WIZ: variants seen among roughly 807,000 people sequenced by gnomAD.
The protein encoded by WIZ is WIZ zinc finger.
Under a neutral mutation model 140.2 loss-of-function variants are expected in WIZ, and 25 were observed. The observed-to-expected ratio is 0.18, with a 90% CI of 0.13 to 0.25. The LOEUF (loss-of-function observed/expected upper bound fraction) is 0.25. Among genes scored for constraint, WIZ ranks in the 10% least tolerant of loss-of-function variants. The pLI is 1.00. For synonymous variants in WIZ, 1,125 were observed against 1,154.3 expected (o/e 0.97, Z 0.51); for missense variants, 2,231 against 2,632.6 (o/e 0.85, Z 3.34).
At chr19:15,431,836 G>A (rs372139406) in intron 5 of WIZ, among the ~76,000 whole-genome samples, 14 of 152,234 alleles carry the variant, frequency 9.2e-5, no homozygotes, top group African/African-American at 3.4e-4. Flanking sequence ...CAGGCCCGCA[G>A]CATCCCTGGG....
intron 5 of WIZ, chr19:15,433,021 A>T: frequency 6.5e-6 from 1 of 154,462 alleles, no homozygotes; most frequent in East Asian, 1.9e-4. Context: ...TAGGATGGGA[A>T]TCTTCCGGCC....
chr19:15,425,692 C>A lies in WIZ; in HGVS notation c.4443G>T (p.Ser1481=). The change falls in exon 10 of 13, where the codon TCG becomes TCT. Residue 1481 remains serine, a synonymous_variant. Transcript: ENST00000673675. ...GEFFENRKGL[S]SHARSHLRQM... ...GCCGCAGGTGTGAGCGCGCGTGACTCGACAGGCCCTTGCGGTTCTCGAAGA... is the reference window on the plus strand; with the variant it reads ...GCCGCAGGTGTGAGCGCGCGTGACTAGACAGGCCCTTGCGGTTCTCGAAGA... The A allele has an allele frequency of 6.2e-7, 1 of 1,612,966 alleles. No homozygotes were observed. Among genetic ancestry groups the A allele is most frequent in the Non-Finnish European group, 8.5e-7 (1 of 1,179,834 alleles).
Position 15,425,439 on chromosome 19 carries a change from C to A in WIZ, c.4696G>T (p.Ala1566Ser). ...AGGCTGAGCTCACGAGGAACCTGGG[C>A]CGGCCCTGCACCTGGTTTGCCTGGC... is the stretch of plus-strand genomic sequence containing the variant. ...GRPGKPGAGP[A>S]QVPRELSLTP... The change falls in exon 10 of 13, where the codon GCC becomes TCC. Residue 1566 changes from alanine to serine, a missense_variant. Around this residue, in one of 15 missense-constraint regions of WIZ, gnomAD observed 393 missense variants for 451.7 expected, o/e 0.87. Coordinates refer to ENST00000673675, the MANE Select transcript of WIZ (RefSeq NM_001371589.1). The A allele has an allele frequency of 5.1e-6, 8 of 1,570,074 alleles. No homozygotes were observed. The highest frequency in any genetic ancestry group is 6.9e-6 in the Non-Finnish European group (8 of 1,157,576).
chr19:15,439,434 A>C lies in WIZ; in HGVS notation c.1560T>G (p.Thr520=). The change falls in exon 4 of 13, where the codon ACT becomes ACG. Residue 520 remains threonine (T), a synonymous_variant. Transcript: ENST00000673675. This position sits in a 1 kb window ranked among gnomAD's most constrained non-coding sequence, Gnocchi z 7.0. ...CAGCTTTGCCAAAGTAGTCCACAGC[A>C]GTGTCAGGGAAGCAGGCGTGAGCAT... is the stretch of plus-strand genomic sequence containing the variant. ...SQDAHACFPD[T]AVDYFGKAEP... The C allele has an allele frequency of 6.5e-7, 1 of 1,531,228 alleles. No individual in the cohort carries two copies. The allele number at this position is 1,531,228 out of a possible 1,614,324, so 94.9% of individuals were successfully genotyped here.
In WIZ at chr19:15,432,227, G is replaced by T. The variant is rs551542410; in HGVS notation, c.2741-1045C>A. Among the ~76,000 whole-genome samples, 4 of 152,002 alleles carry T rather than the reference G, an allele frequency of 2.6e-5. No homozygotes were observed. The East Asian group carries it at 7.8e-4, about 30-fold the overall frequency. ...GGGGGCAAGGGACATCTGTCAGACG[G>T]GGCAAAGGTCTCGAGGAGCGGCGGA... On this transcript the variant is annotated intron_variant, in intron 5 of 12. Transcript: ENST00000673675.
At position 15,440,307 on chromosome 19, in the gene WIZ, C is replaced by T; in HGVS notation, c.687G>A (p.Leu229=). 1.3e-6 allele frequency: 2 copies of T among 1,510,332 alleles called. No homozygotes were observed. Among genetic ancestry groups the T allele is most frequent in the Non-Finnish European group, 1.8e-6 (2 of 1,132,194 alleles). 93.6% of individuals were successfully genotyped at this position (1,510,332 alleles called of 1,614,324 possible). The change falls in exon 4 of 13, where the codon CTG becomes CTA. Residue 229 remains leucine, a synonymous_variant. Transcript: ENST00000673675. This position sits in a 1 kb window ranked among gnomAD's most constrained non-coding sequence, Gnocchi z 6.2. ...FVPVEDTPKT[L]DMAVVGGRED... The stretch of plus-strand genomic sequence containing the variant: ...CTCTGCCACCCACCACCGCCATGTC[C>T]AGCGTCTTCGGGGTGTCTTCCACTG...
At position 15,424,341 on chromosome 19, in the gene WIZ, G is replaced by A. The variant is rs772170394; in HGVS notation, c.5352C>T (p.Ser1784=). Residue 1784 remains serine (S), a synonymous_variant, in exon 12 of 13, where the codon TCC becomes TCT. Coordinates refer to ENST00000673675, the MANE Select transcript of WIZ (RefSeq NM_001371589.1). The surrounding 1 kb of genome is among the most constrained non-coding windows in gnomAD (Gnocchi z 9.7). ...ERRQARPPDA[S]AARGGEDTND... is the part of the protein sequence containing the mutation. ...TGGTGTCCTCGCCTCCCCGGGCTGC[G>A]GAGGCATCTGGAGGGCGGGCTTGTC... The A allele has an allele frequency of 4.9e-5, 79 of 1,602,710 alleles. No individual in the cohort carries two copies. Among genetic ancestry groups the A allele is most frequent in the African/African-American group, 1.4e-4 (10 of 73,888 alleles).
intron 2 of WIZ, among the ~76,000 whole-genome samples, chr19:15,447,030 C>T (rs183611463): frequency 2.6e-4 from 40 of 152,292 alleles, no homozygotes; most frequent in East Asian, 5.8e-4. Context: ...CTTATGTCAC[C>T]GCTCAGGGTC....
Position 15,442,750 on chromosome 19 carries a change from T to C in WIZ, c.206-2A>G. The stretch of plus-strand genomic sequence containing the variant: ...TGAGGCCGGGATGGGGCTGCCCGTC[T>C]GCAACAGAGAGGGGAGACCCTGAGG... On this transcript the variant is annotated splice_acceptor_variant, in intron 2 of 12. Coordinates refer to ENST00000673675, the MANE Select transcript of WIZ (RefSeq NM_001371589.1). LOFTEE classifies it high-confidence loss of function. This position sits in a 1 kb window ranked among gnomAD's most constrained non-coding sequence, Gnocchi z 5.5. 8.1e-7 allele frequency: 1 copy of C among 1,232,074 alleles called. No homozygotes were observed. Among genetic ancestry groups the C allele is most frequent in the Non-Finnish European group, 1.0e-6 (1 of 987,978 alleles). The allele number at this position is 1,232,074 out of a possible 1,614,324, so 76.3% of individuals were successfully genotyped here. A position where few individuals can be genotyped will look rare whatever the true frequency, so the allele number is the denominator to read the frequency against.
At position 15,424,219 on chromosome 19, in the gene WIZ, A is replaced by C; in HGVS notation, c.5474T>G (p.Val1825Gly). Residue 1825 changes from valine (V) to glycine (G), a missense_variant, in exon 12 of 13, where the codon GTC becomes GGC. Coordinates refer to ENST00000673675, the MANE Select transcript of WIZ (RefSeq NM_001371589.1). The surrounding 1 kb of genome is among the most constrained non-coding windows in gnomAD (Gnocchi z 9.7). ...LVPRPPQTSL[V>G]KFVGNIYTLK... ...GGTGTAGATGTTGCCCACGAACTTG[A>C]CAAGTGATGTCTGGGGGGGCCGGGG... The C allele has an allele frequency of 6.4e-7, 1 of 1,568,152 alleles. No individual in the cohort carries two copies. The highest frequency in any genetic ancestry group is 2.4e-5 in the East Asian group (1 of 41,966).
rs1370246484 is a variant in WIZ, at chr19:15,449,831, C to A, written c.-94G>T. 1.3e-5 allele frequency: 2 copies of A among 148,500 alleles called. No individual in the cohort carries two copies. Among genetic ancestry groups the A allele is most frequent in the Non-Finnish European group, 3.0e-5 (2 of 66,308 alleles). The allele number at this position is 148,500 out of a possible 1,614,324, so 9.2% of individuals were successfully genotyped here. A position where few individuals can be genotyped will look rare whatever the true frequency, so the allele number is the denominator to read the frequency against. Reference sequence around the variant, plus strand: ...CGGCGCCGCCGGCCAGGTGCCGGGGCTCGGAGCTCCCCTCCTTGGTGCGGC... The same window carrying A: ...CGGCGCCGCCGGCCAGGTGCCGGGGATCGGAGCTCCCCTCCTTGGTGCGGC... On this transcript the variant is annotated 5_prime_UTR_variant, in exon 1 of 13. Coordinates refer to ENST00000673675, the MANE Select transcript of WIZ (RefSeq NM_001371589.1).
chr19:15,429,654 A>C lies in WIZ; in HGVS notation c.3347T>G (p.Leu1116Arg). ...NPEDKSPQLS[L>R]SPRPASPKAQ... ...CTTTGGGGAGGCCGGCCGGGGGCTC[A>C]GGGACAGCTGGGGGCTCTTGTCCTC... The change falls in exon 7 of 13, where the codon CTG becomes CGG. Residue 1116 changes from leucine to arginine, a missense_variant. By Grantham distance (102) the Leu-to-Arg change is moderately radical (BLOSUM62 -2). Around this residue, in one of 15 missense-constraint regions of WIZ, gnomAD observed 163 missense variants for 166.8 expected, o/e 0.98. Coordinates refer to ENST00000673675, the MANE Select transcript of WIZ (RefSeq NM_001371589.1). The C allele has an allele frequency of 5.6e-6, 8 of 1,420,706 alleles. No individual in the cohort carries two copies. The highest frequency in any genetic ancestry group is 7.3e-6 in the Non-Finnish European group (8 of 1,090,272). 88.0% of individuals were successfully genotyped at this position (1,420,706 alleles called of 1,614,324 possible).
chr19:15,420,959 T>C lies in WIZ; in HGVS notation c.*2117A>G, dbSNP rs1373439937. 6.6e-6 allele frequency: 1 copy of C among 151,888 alleles called. No individual in the cohort carries two copies. The highest frequency in any genetic ancestry group is 6.6e-5 in the Admixed American group (1 of 15,226). The allele number at this position is 151,888 out of a possible 1,614,324, so 9.4% of individuals were successfully genotyped here. On this transcript the variant is annotated 3_prime_UTR_variant, in exon 13 of 13. Coordinates refer to ENST00000673675, the MANE Select transcript of WIZ (RefSeq NM_001371589.1). ...GTGAAACCCCCGTCTCTACAAAAAT[T>C]ACAGATATAAGCCAGGGGTGGTGGT...
intron 2 of WIZ, among the ~76,000 whole-genome samples, chr19:15,444,534 G>A (rs978376133): frequency 6.6e-6 from 1 of 152,074 alleles, no homozygotes; most frequent in Non-Finnish European, 1.5e-5. Context: ...AACCAAAATT[G>A]TCACCAAACA....
chr19:15,426,267 C>T (rs545159543), intron 9 of WIZ, among the ~76,000 whole-genome samples: 14 of 152,100 alleles, frequency 9.2e-5, no homozygotes, highest in Non-Finnish European at 1.5e-4. Flanking sequence ...ACACAACACA[C>T]GTGAGCGCTA....
chr19:15,429,621 C>A lies in WIZ; in HGVS notation c.3380G>T (p.Trp1127Leu), dbSNP rs1969089845. 2 of 1,414,258 alleles carry A rather than the reference C, an allele frequency of 1.4e-6. No individual in the cohort carries two copies. Among genetic ancestry groups the A allele is most frequent in the Admixed American group, 3.0e-5 (1 of 33,108 alleles). 87.6% of individuals were successfully genotyped at this position (1,414,258 alleles called of 1,614,324 possible). A position where few individuals can be genotyped will look rare whatever the true frequency, so the allele number is the denominator to read the frequency against. ...SPRPASPKAQWPQSEDEGPLN... is the reference protein window; with the variant it reads ...SPRPASPKAQLPQSEDEGPLN... ...GGGCCCCTCATCCTCAGACTGAGGC[C>A]ACTGTGCCTTTGGGGAGGCCGGCCG... Residue 1127 changes from tryptophan to leucine, a missense_variant, in exon 7 of 13, where the codon TGG becomes TTG. Physicochemically the swap from Trp to Leu is moderately conservative, Grantham distance 61. Transcript: ENST00000673675.
rs1402082218 is a variant in WIZ at position 15,438,728 on chromosome 19, C to T, written c.2266G>A (p.Asp756Asn). Residue 756 changes from aspartate to asparagine, a missense_variant, in exon 4 of 13, where the codon GAT becomes AAT. Coordinates refer to ENST00000673675, the MANE Select transcript of WIZ (RefSeq NM_001371589.1). ...HEERKCPYCP[D>N]RFHNGIGLAN... Reference sequence around the variant, plus strand: ...AAGCCGATGCCGTTGTGGAAGCGATCGGGGCAGTAGGGGCATTTCCGCTCC... The same window carrying T: ...AAGCCGATGCCGTTGTGGAAGCGATTGGGGCAGTAGGGGCATTTCCGCTCC... 7.9e-5 allele frequency: 121 copies of T among 1,536,032 alleles called. No individual in the cohort carries two copies. Among genetic ancestry groups the T allele is most frequent in the Non-Finnish European group, 1.0e-4 (115 of 1,146,910 alleles).
intron 5 of WIZ, chr19:15,436,424 C>T (rs1969517404): frequency 5.8e-6 from 1 of 172,250 alleles, no homozygotes; most frequent in Non-Finnish European, 1.2e-5. Context: ...CTCTGTGCCT[C>T]AGTTTCCTCA....
rs192527322 is a variant in WIZ, at chr19:15,427,343, A to G, written c.4005T>C (p.Gly1335=). ...ILKRRTQSRP[G]GPPNPPGPSP... ...TTGGCCCTGGTGGGTTGGGAGGTCC[A>G]CCAGGCCGAGACTGGGTCCGTCTCT... is the stretch of plus-strand genomic sequence containing the variant. Residue 1335 remains glycine (G), a synonymous_variant, in exon 9 of 13, where the codon GGT becomes GGC. Transcript: ENST00000673675. The surrounding 1 kb of genome is among the most constrained non-coding windows in gnomAD (Gnocchi z 6.4). 45 of 1,613,546 alleles carry G rather than the reference A, an allele frequency of 2.8e-5. No individual in the cohort carries two copies. In the East Asian group the frequency reaches 7.1e-4, roughly 26 times the overall value.
Sources: allele counts gnomAD v4.1 joint callset (sites outside exome capture counted in the v4.1 genomes callset), GRCh38; gene constraint gnomAD v4.1.1; regional missense constraint gnomAD v4.1.1; non-coding constraint Gnocchi (gnomAD v3.1); transcripts MANE v1.5; gene names NCBI Gene and HGNC (gene_info 2026-07-23, HGNC 2026-07-21).